GRM8: variants seen among roughly 807,000 people sequenced by gnomAD.
GRM8 encodes metabotropic glutamate receptor 8.
A neutral mutation model predicts 87.2 loss-of-function variants in GRM8; 47 were observed. The observed-to-expected ratio is 0.54, with a 90% CI of 0.43 to 0.69. The LOEUF (loss-of-function observed/expected upper bound fraction) is 0.69. Ranked by LOEUF, GRM8 falls within the 30% of genes least tolerant of loss-of-function variation. GRM8 has a pLI of 0.00. For synonymous variants in GRM8, 396 were observed against 404.5 expected (o/e 0.98, Z 0.25); for missense variants, 1,019 against 1,139.2 (o/e 0.89, Z 1.52).
intron 3 of GRM8, among the ~76,000 whole-genome samples, chr7:127,008,151 G>A (rs1814508550): frequency 1.3e-5 from 2 of 152,000 alleles, no homozygotes; most frequent in African/African-American, 4.8e-5. Flanking sequence ...TTCTGGCAGA[G>A]GCTTTAAATA....
intron 3 of GRM8, among the ~76,000 whole-genome samples, chr7:126,918,916 C>A (rs1416814865): frequency 6.6e-6 from 1 of 152,138 alleles, no homozygotes; most frequent in Non-Finnish European, 1.5e-5. Context: ...CTGCAAATGA[C>A]AAAAGGATAA....
At chr7:127,058,277 C>A in intron 3 of GRM8, 1 of 380,950 alleles carries the variant, frequency 2.6e-6, no homozygotes, top group East Asian at 1.2e-4. Flanking sequence ...TCAACACACT[C>A]CTGGTTGGTA....
At chr7:127,116,311 C>A (rs560549433) in intron 2 of GRM8, among the ~76,000 whole-genome samples, 1 of 152,238 alleles carries the variant, frequency 6.6e-6, no homozygotes, top group East Asian at 1.9e-4. Flanking sequence ...ATTTAGAAGG[C>A]TAAACCAATA....
At chr7:126,633,118 T>C (rs1334394189) in intron 7 of GRM8, among the ~76,000 whole-genome samples, 1 of 152,068 alleles carries the variant, frequency 6.6e-6, no homozygotes, top group African/African-American at 2.4e-5. Context: ...TATATTTTGG[T>C]AAACAATACA....
intron 2 of GRM8, among the ~76,000 whole-genome samples, chr7:127,186,789 G>T (rs1289611651): frequency 6.6e-6 from 1 of 152,200 alleles, no homozygotes; most frequent in Non-Finnish European, 1.5e-5. Flanking sequence ...GGATGCACCT[G>T]CTCTGTGGAG....
intron 3 of GRM8, among the ~76,000 whole-genome samples, chr7:126,971,296 C>G (rs1220791344): frequency 6.6e-6 from 1 of 151,382 alleles, no homozygotes; most frequent in Admixed American, 6.6e-5. Flanking sequence ...TATACAGGGA[C>G]TGGGTGGTAA....
chr7:126,799,254 A>T (rs555885478), intron 6 of GRM8, among the ~76,000 whole-genome samples: 1 of 152,228 alleles, frequency 6.6e-6, no homozygotes, highest in South Asian at 2.1e-4. Flanking sequence ...GAACACACTG[A>T]TAATTGGAGA....
chr7:126,624,857 T>G (rs1241675838), intron 7 of GRM8, among the ~76,000 whole-genome samples: 1 of 152,236 alleles, frequency 6.6e-6, no homozygotes, highest in Non-Finnish European at 1.5e-5. Flanking sequence ...CTGGACACTT[T>G]GAGCATCTGC....
intron 1 of GRM8, chr7:127,250,900 C>T (rs980131192): frequency 1.3e-5 from 2 of 152,162 alleles, no homozygotes; most frequent in Admixed American, 1.3e-4. Flanking sequence ...TACAAGCTAC[C>T]ATAGGAATGC....
chr7:126,605,879 G>A (rs1047880602), intron 8 of GRM8, among the ~76,000 whole-genome samples: 3 of 152,106 alleles, frequency 2.0e-5, no homozygotes, highest in Admixed American at 6.6e-5. Flanking sequence ...ACCTTCATCA[G>A]TGCACCTGCT....
At chr7:127,208,892 C>T (rs1796062459) in intron 2 of GRM8, among the ~76,000 whole-genome samples, 1 of 152,180 alleles carries the variant, frequency 6.6e-6, no homozygotes, top group Non-Finnish European at 1.5e-5. Context: ...ATTTGTTTTC[C>T]TGTTGAGCTT....
chr7:126,531,765 A>C (rs968738020), intron 9 of GRM8, among the ~76,000 whole-genome samples: 1 of 152,214 alleles, frequency 6.6e-6, no homozygotes, highest in African/African-American at 2.4e-5. Flanking sequence ...ACATTGATTG[A>C]GGAAGGGATG....
intron 9 of GRM8, among the ~76,000 whole-genome samples, chr7:126,504,677 A>G (rs1810173164): frequency 6.6e-6 from 1 of 152,092 alleles, no homozygotes; most frequent in African/African-American, 2.4e-5. Flanking sequence ...TTACATCTTT[A>G]ATCAATCAAT....
intron 6 of GRM8, among the ~76,000 whole-genome samples, chr7:126,835,014 T>C (rs1795711800): frequency 6.6e-6 from 1 of 151,338 alleles, no homozygotes; most frequent in Non-Finnish European, 1.5e-5. Flanking sequence ...AGGTTGAGGC[T>C]TCAGTGAGCC....
At chr7:126,443,256 C>T (rs145672743) in intron 10 of GRM8, among the ~76,000 whole-genome samples, 4 of 152,124 alleles carry the variant, frequency 2.6e-5, no homozygotes, top group Admixed American at 6.6e-5. Context: ...TAACTCCCCT[C>T]GCACTCTGTT....
intron 2 of GRM8, among the ~76,000 whole-genome samples, chr7:127,133,994 C>T (rs866645268): frequency 6.6e-6 from 1 of 152,092 alleles, no homozygotes; most frequent in African/African-American, 2.4e-5. Context: ...CTACTTCCAC[C>T]GCATTTTATC....
At chr7:127,079,593 C>T (rs1032817024) in intron 3 of GRM8, among the ~76,000 whole-genome samples, 1 of 152,160 alleles carries the variant, frequency 6.6e-6, no homozygotes, top group African/African-American at 2.4e-5. Context: ...AAAGTTCATG[C>T]CAGCCGATTA....
intron 7 of GRM8, among the ~76,000 whole-genome samples, chr7:126,669,621 T>C (rs1414790665): frequency 2.0e-5 from 3 of 152,198 alleles, no homozygotes; most frequent in Middle Eastern, 3.2e-3. Flanking sequence ...CTGGGGACTA[T>C]GGAACTAACT....
intron 6 of GRM8, among the ~76,000 whole-genome samples, chr7:126,795,085 C>T (rs568194660): frequency 2.6e-5 from 4 of 152,140 alleles, no homozygotes; most frequent in Non-Finnish European, 4.4e-5. Flanking sequence ...TCTAACTAAA[C>T]ATCCCATGTT....
Sources: gnomAD v4.1 joint callset for allele counts (sites outside exome capture counted in the v4.1 genomes callset) on GRCh38, gnomAD v4.1.1 for gene constraint, MANE v1.5 for transcripts, NCBI Gene and HGNC (gene_info 2026-07-23, HGNC 2026-07-21) for gene names.